ME3: variants seen among roughly 807,000 people sequenced by gnomAD.
ME3 encodes the protein malic enzyme 3.
A neutral mutation model predicts 68.9 loss-of-function variants in ME3; 48 were observed. The observed-to-expected ratio is 0.70, with a 90% CI of 0.55 to 0.89. The LOEUF (loss-of-function observed/expected upper bound fraction) is 0.89. Among genes scored for constraint, ME3 ranks in the 40% least tolerant of loss-of-function variants. ME3 has a pLI of 0.00. For synonymous variants in ME3, 320 were observed against 318.8 expected (o/e 1.00, Z -0.04); for missense variants, 675 against 797.4 (o/e 0.85, Z 1.85).
chr11:86,576,803 G>T (rs562148723), intron 2 of ME3, among the ~76,000 whole-genome samples: 2 of 152,278 alleles, frequency 1.3e-5, no homozygotes, highest in South Asian at 2.1e-4. Flanking sequence ...CCTGGCAGTT[G>T]TACCATCAAA....
intron 8 of ME3, among the ~76,000 whole-genome samples, chr11:86,462,296 A>G (rs1456463452): frequency 6.6e-6 from 1 of 152,218 alleles, no homozygotes; most frequent in Non-Finnish European, 1.5e-5. Flanking sequence ...AAAAATTAAG[A>G]AGTTAGGTAT....
At chr11:86,579,139 G>C (rs924760289) in intron 2 of ME3, among the ~76,000 whole-genome samples, 1 of 152,164 alleles carries the variant, frequency 6.6e-6, no homozygotes, top group African/African-American at 2.4e-5. Context: ...TATAGCCCCT[G>C]CCTTCACTGA....
At chr11:86,648,549 G>A (rs913460502) in intron 2 of ME3, among the ~76,000 whole-genome samples, 2 of 151,752 alleles carry the variant, frequency 1.3e-5, no homozygotes, top group Non-Finnish European at 2.9e-5. Context: ...CAGGGAACTG[G>A]TTCTTTGGAA....
intron 2 of ME3, among the ~76,000 whole-genome samples, chr11:86,663,027 G>A (rs575883477): frequency 6.6e-6 from 1 of 152,262 alleles, no homozygotes; most frequent in Admixed American, 6.5e-5. Flanking sequence ...AAAACAAAGT[G>A]ATCAACAGAG....
At chr11:86,471,602 G>A (rs1048823854) in intron 7 of ME3, among the ~76,000 whole-genome samples, 8 of 152,158 alleles carry the variant, frequency 5.3e-5, no homozygotes, top group African/African-American at 1.9e-4. Context: ...TTAAAGAAAT[G>A]TATTCGGCAA....
intron 2 of ME3, among the ~76,000 whole-genome samples, chr11:86,645,234 G>C (rs1025455433): frequency 3.9e-5 from 6 of 152,118 alleles, no homozygotes; most frequent in Non-Finnish European, 4.4e-5. Flanking sequence ...CCCTGGAAAG[G>C]GGGCTGAAGC....
intron 2 of ME3, among the ~76,000 whole-genome samples, chr11:86,638,096 G>A (rs188246635): frequency 1.3e-5 from 2 of 152,086 alleles, no homozygotes; most frequent in Admixed American, 1.3e-4. Flanking sequence ...AGGCCTGGCT[G>A]TGCCTCCCCA....
intron 4 of ME3, among the ~76,000 whole-genome samples, chr11:86,535,843 G>A (rs1955614276): frequency 6.6e-6 from 1 of 152,136 alleles, no homozygotes; most frequent in African/African-American, 2.4e-5. Context: ...GGATTCTATT[G>A]GAAGTCATCA....
chr11:86,474,634 G>T (rs572163385), intron 7 of ME3, among the ~76,000 whole-genome samples: 1 of 152,326 alleles, frequency 6.6e-6, no homozygotes, highest in South Asian at 2.1e-4. Context: ...TATCAGGTTG[G>T]CATGAGGCCA....
intron 4 of ME3, among the ~76,000 whole-genome samples, chr11:86,536,479 A>G (rs375422100): frequency 0.043 from 5,373 of 124,992 alleles, 131 homozygotes; most frequent in South Asian, 0.11. Flanking sequence ...GGCGAAGGAC[A>G]TGAACAGACA....
chr11:86,501,807 A>G (rs748231052), intron 5 of ME3, among the ~76,000 whole-genome samples: 5 of 152,160 alleles, frequency 3.3e-5, no homozygotes, highest in African/African-American at 4.8e-5. Context: ...CCTGCTTCCT[A>G]TTTTAAACAT....
intron 4 of ME3, among the ~76,000 whole-genome samples, chr11:86,556,203 G>A (rs1282711109): frequency 6.6e-6 from 1 of 152,220 alleles, no homozygotes; most frequent in Non-Finnish European, 1.5e-5. Flanking sequence ...GAATTGGCAG[G>A]AGAGCTGTTG....
chr11:86,570,802 T>A (rs1306194827), intron 2 of ME3, among the ~76,000 whole-genome samples: 3 of 152,094 alleles, frequency 2.0e-5, no homozygotes, highest in Admixed American at 1.3e-4. Flanking sequence ...GGTTGGGAGA[T>A]AGGATTCAAT....
intron 8 of ME3, among the ~76,000 whole-genome samples, chr11:86,459,784 G>C (rs117510115): frequency 3.3e-5 from 5 of 152,208 alleles, no homozygotes; most frequent in African/African-American, 1.2e-4. Flanking sequence ...GGACTCACAG[G>C]GGGTGCTAAT....
At chr11:86,648,697 A>G (rs1176695918) in intron 2 of ME3, among the ~76,000 whole-genome samples, 1 of 152,208 alleles carries the variant, frequency 6.6e-6, no homozygotes, top group African/African-American at 2.4e-5. Context: ...AGAGAATACT[A>G]TAAACACCTC....
chr11:86,485,339 A>G (rs1240021144), intron 7 of ME3, among the ~76,000 whole-genome samples: 1 of 152,176 alleles, frequency 6.6e-6, no homozygotes, highest in African/African-American at 2.4e-5. Context: ...CACTTTAGGT[A>G]ATTTTTAACC....
At chr11:86,514,485 A>G (rs1953751928) in intron 4 of ME3, among the ~76,000 whole-genome samples, 2 of 152,108 alleles carry the variant, frequency 1.3e-5, no homozygotes, top group African/African-American at 4.8e-5. Flanking sequence ...TGGAATGGGG[A>G]TTTTCAAGTG....
chr11:86,551,404 AGT>A (rs1294722189), intron 4 of ME3, among the ~76,000 whole-genome samples: 1 of 151,760 alleles, frequency 6.6e-6, no homozygotes, highest in Non-Finnish European at 1.5e-5. Context: ...CAAGTGTGAG[AGT>A]GTGTGTGTGC....
At chr11:86,651,258 GC>G (rs1594785960) in intron 2 of ME3, among the ~76,000 whole-genome samples, 2 of 152,316 alleles carry the variant, frequency 1.3e-5, no homozygotes, top group East Asian at 3.9e-4. Context: ...GGTTCTCCCA[GC>G]ACGCAGCTTG....
Sources: gnomAD v4.1 joint callset for allele counts (sites outside exome capture counted in the v4.1 genomes callset) on GRCh38, gnomAD v4.1.1 for gene constraint, MANE v1.5 for transcripts, NCBI Gene and HGNC (gene_info 2026-07-23, HGNC 2026-07-21) for gene names.